STX18: variants seen among roughly 807,000 people sequenced by gnomAD.
The protein encoded by STX18 is syntaxin-18.
In STX18, 40 loss-of-function variants were observed where a neutral mutation model predicts 50.1. The observed-to-expected ratio is 0.80, with a 90% CI of 0.62 to 1.04. STX18 has a LOEUF of 1.04. STX18 is among the 50% of genes least tolerant of loss of function. The pLI is 0.00. For synonymous variants in STX18, 158 were observed against 151.8 expected (o/e 1.04, Z -0.30); for missense variants, 410 against 415.8 (o/e 0.99, Z 0.12).
At chr4:4,489,089 T>TG (rs1728820953) in intron 1 of STX18, among the ~76,000 whole-genome samples, 1 of 152,156 alleles carries the variant, frequency 6.6e-6, no homozygotes, top group Non-Finnish European at 1.5e-5. Flanking sequence ...AGCAAAGGAA[T>TG]GAATGTTCAT....
chr4:4,463,610 T>G (rs1245400198), intron 2 of STX18, among the ~76,000 whole-genome samples: 1 of 152,190 alleles, frequency 6.6e-6, no homozygotes, highest in Non-Finnish European at 1.5e-5. Context: ...TACAACCACC[T>G]CGTCAACCTA....
chr4:4,494,633 C>G (rs993200401), intron 1 of STX18, among the ~76,000 whole-genome samples: 1 of 152,040 alleles, frequency 6.6e-6, no homozygotes, highest in African/African-American at 2.4e-5. Context: ...CCTTGTTCTT[C>G]CCCTGATGCA....
At chr4:4,529,664 C>T (rs950344174) in intron 1 of STX18, among the ~76,000 whole-genome samples, 5 of 152,182 alleles carry the variant, frequency 3.3e-5, no homozygotes, top group Non-Finnish European at 5.9e-5. Flanking sequence ...ACAGCACACA[C>T]GTGCCAGGAC....
intron 7 of STX18, 152 bp from the exon 8 acceptor site, chr4:4,425,374 T>C: frequency 1.5e-6 from 1 of 673,404 alleles, no homozygotes; most frequent in Non-Finnish European, 2.7e-6. Context: ...CCGTTAGCAT[T>C]AGTGTGAACA....
At chr4:4,469,209 G>A (rs568629044) in intron 2 of STX18, among the ~76,000 whole-genome samples, 32 of 152,312 alleles carry the variant, frequency 2.1e-4, no homozygotes, top group African/African-American at 6.5e-4. Context: ...CCTGCAGTCC[G>A]TAGGCCAAGT....
chr4:4,480,931 T>C (rs570039031), intron 1 of STX18, among the ~76,000 whole-genome samples: 118 of 152,330 alleles, frequency 7.7e-4, no homozygotes, highest in African/African-American at 2.7e-3. Flanking sequence ...TAAGCATACA[T>C]ATGCACTACA....
intron 5 of STX18, among the ~76,000 whole-genome samples, chr4:4,454,479 G>A (rs1266267727): frequency 6.6e-6 from 1 of 152,154 alleles, no homozygotes; most frequent in Non-Finnish European, 1.5e-5. Context: ...GATAGTGAAG[G>A]AGAAATCCGC....
intron 9 of STX18, among the ~76,000 whole-genome samples, chr4:4,421,324 C>CTT (rs34959206): frequency 6.8e-6 from 1 of 146,514 alleles, no homozygotes; most frequent in Admixed American, 6.8e-5. Flanking sequence ...AGGACTGAGA[C>CTT]TTTTTTTTTT....
chr4:4,421,785 T>TATCA (rs1268754907), intron 9 of STX18, among the ~76,000 whole-genome samples: 1 of 152,238 alleles, frequency 6.6e-6, no homozygotes, highest in East Asian at 1.9e-4. Context: ...TGTGTTTTAC[T>TATCA]ATCATCATAT....
At chr4:4,533,940 C>T (rs541838383) in intron 1 of STX18, among the ~76,000 whole-genome samples, 17 of 152,332 alleles carry the variant, frequency 1.1e-4, no homozygotes, top group African/African-American at 3.8e-4. Context: ...AGATGAGTTT[C>T]ATTCAAGAAT....
At chr4:4,445,360 C>T (rs969214543) in intron 5 of STX18, among the ~76,000 whole-genome samples, 3 of 151,900 alleles carry the variant, frequency 2.0e-5, no homozygotes, top group Non-Finnish European at 2.9e-5. Flanking sequence ...GAGCCAAGAT[C>T]GAGCGACTGC....
At position 4,420,733 on chromosome 4, in the gene STX18, A is replaced by G; in HGVS notation, c.912+131T>C. 2 of 814,842 alleles carry G rather than the reference A, an allele frequency of 2.5e-6. No individual in the cohort carries two copies. The highest frequency in any genetic ancestry group is 4.7e-4 in the Middle Eastern group (2 of 4,294). The allele number at this position is 814,842 out of a possible 1,614,324, so 50.5% of individuals were successfully genotyped here. ...TGAACACACGCAGCTCCGCGGTCAC[A>G]CAATTTTGTGATCAGCCCCGTGAGC... On this transcript the variant is annotated intron_variant, in intron 10 of 10. Coordinates refer to ENST00000306200, the MANE Select transcript of STX18 (RefSeq NM_016930.4). This position sits in a 1 kb window ranked among gnomAD's most constrained non-coding sequence, Gnocchi z 4.3.
chr4:4,519,860 C>T (rs1480127644), intron 1 of STX18, among the ~76,000 whole-genome samples: 1 of 152,142 alleles, frequency 6.6e-6, no homozygotes, highest in South Asian at 2.1e-4. Context: ...AATACAATTC[C>T]CTGTAGCTGA....
chr4:4,488,104 T>C (rs1364524601), intron 1 of STX18, among the ~76,000 whole-genome samples: 1 of 152,162 alleles, frequency 6.6e-6, no homozygotes, highest in Non-Finnish European at 1.5e-5. Flanking sequence ...ATAGTCTCTA[T>C]GACAAGCAGG....
chr4:4,510,705 T>C (rs1255684263), intron 1 of STX18, among the ~76,000 whole-genome samples: 1 of 152,224 alleles, frequency 6.6e-6, no homozygotes, highest in East Asian at 1.9e-4. Context: ...CATGCACATG[T>C]ATGTTTTTTG....
At chr4:4,486,524 G>C (rs1294214897) in intron 1 of STX18, among the ~76,000 whole-genome samples, 1 of 152,216 alleles carries the variant, frequency 6.6e-6, no homozygotes, top group African/African-American at 2.4e-5. Context: ...AAGAAGAATT[G>C]TAAGGGCTTT....
intron 1 of STX18, among the ~76,000 whole-genome samples, chr4:4,522,267 T>C (rs1449072519): frequency 6.6e-6 from 1 of 152,232 alleles, no homozygotes; most frequent in African/African-American, 2.4e-5. Flanking sequence ...TCTGGTTCAA[T>C]GAGTGTTAAG....
intron 1 of STX18, among the ~76,000 whole-genome samples, chr4:4,534,877 T>C (rs1239877036): frequency 6.6e-6 from 1 of 152,270 alleles, no homozygotes; most frequent in Non-Finnish European, 1.5e-5. Flanking sequence ...TAAAACTTTA[T>C]TTACACAACT....
At chr4:4,458,515 G>A (rs1422979677) in intron 3 of STX18, among the ~76,000 whole-genome samples, 2 of 152,174 alleles carry the variant, frequency 1.3e-5, no homozygotes, top group Non-Finnish European at 2.9e-5. Context: ...AAAAGTCTGT[G>A]TTGTGAGCAC....
Sources: allele counts gnomAD v4.1 joint callset (sites outside exome capture counted in the v4.1 genomes callset), GRCh38; gene constraint gnomAD v4.1.1; non-coding constraint Gnocchi (gnomAD v3.1); transcripts MANE v1.5; gene names NCBI Gene and HGNC (gene_info 2026-07-23, HGNC 2026-07-21).